ZNF202: variants seen among roughly 807,000 people sequenced by gnomAD.
ZNF202 encodes zinc finger protein with KRAB and SCAN domains 10.
ZNF202 carries 22 observed loss-of-function variants against 54.5 expected under a neutral mutation model. The observed-to-expected ratio is 0.40, with a 90% confidence interval of 0.29 to 0.58. ZNF202 has a LOEUF of 0.58. Ranked by LOEUF, ZNF202 falls within the 20% of genes least tolerant of loss-of-function variation. ZNF202 has a pLI of 0.39. For missense variants in ZNF202, 644 were observed against 805.5 expected, an observed-to-expected ratio of 0.80 and a Z score of 2.43; for synonymous variants, 294 against 301.4, an observed-to-expected ratio of 0.98 and a Z score of 0.26.
At chr11:123,741,513 C>G (rs1377747139) in intron 1 of ZNF202, 36 bp downstream of exon 1, 1 of 152,426 alleles carries the variant, frequency 6.6e-6, no homozygotes, top group East Asian at 1.9e-4. Flanking sequence ...CCCGGTCCAG[C>G]CCGGCCCGGC....
At chr11:123,729,051 C>T in intron 6 of ZNF202, 75 bp downstream of exon 6, 1 of 1,459,178 alleles carries the variant, frequency 6.9e-7, no homozygotes, top group Non-Finnish European at 9.5e-7. Flanking sequence ...CATCCTGCTT[C>T]ACCTGTTTAG....
At chr11:123,727,080 G>A (rs745311808) in intron 8 of ZNF202, 89 bp from the exon 9 acceptor site, 4 of 1,488,468 alleles carry the variant, frequency 2.7e-6, no homozygotes, top group Non-Finnish European at 3.6e-6. Context: ...AGGGTTTTGA[G>A]ATGGCAAGAC....
At chr11:123,728,830 A>AC in intron 6 of ZNF202, among the ~76,000 whole-genome samples, 1 of 152,094 alleles carries the variant, frequency 6.6e-6, no homozygotes, top group Non-Finnish European at 1.5e-5. Context: ...TAAAAAAAAA[A>AC]AAAACTAAAA....
At chr11:123,732,273 C>T (rs1228940790) in intron 3 of ZNF202, among the ~76,000 whole-genome samples, 1 of 152,190 alleles carries the variant, frequency 6.6e-6, no homozygotes, top group Non-Finnish European at 1.5e-5. Context: ...GCTCATGTCC[C>T]TTTCCTATCT....
chr11:123,737,325 C>T (rs1039824422), intron 3 of ZNF202, among the ~76,000 whole-genome samples: 2 of 152,298 alleles, frequency 1.3e-5, no homozygotes, highest in East Asian at 1.9e-4. Flanking sequence ...CCTTCTAACA[C>T]GTGACCAGTA....
chr11:123,728,319 G>C, intron 6 of ZNF202, 57 bp from the exon 7 acceptor site: 1 of 1,545,246 alleles, frequency 6.5e-7, no homozygotes, highest in Non-Finnish European at 8.8e-7. Flanking sequence ...CTCGTATTTT[G>C]TCCCTGTTGA....
chr11:123,727,105 G>C (rs1861185788), intron 8 of ZNF202, 114 bp from the exon 9 acceptor site: 5 of 1,303,308 alleles, frequency 3.8e-6, no homozygotes, highest in Non-Finnish European at 5.3e-6. Context: ...TAGAATGCCT[G>C]TCCTGTGCCA....
In ZNF202 at chr11:123,729,143, G is replaced by A; in HGVS notation, c.685C>T (p.Leu229Phe). 1.2e-6 allele frequency: 2 copies of A among 1,613,984 alleles called. No individual in the cohort carries two copies. Among genetic ancestry groups the A allele is most frequent in the Non-Finnish European group, 1.7e-6 (2 of 1,180,008 alleles). The change falls in exon 6 of 9, where the codon CTT becomes TTT. Residue 229 changes from leucine to phenylalanine, a missense_variant. By Grantham distance (22) the Leu-to-Phe change is conservative (BLOSUM62 0). Around this residue, in one of 3 missense-constraint regions of ZNF202, gnomAD observed 536 missense variants for 635.3 expected, o/e 0.84. Transcript: ENST00000530393. Reference protein sequence around the residue: ...SSGDSEMVALLTALSQGLVTF... With the variant: ...SSGDSEMVALFTALSQGLVTF... ...GGGCACACCTGTGACAGAGCAGTAA[G>A]AAGAGCAACCATCTCTGAGTCTCCA... is the stretch of plus-strand genomic sequence containing the variant.
At position 123,726,897 on chromosome 11, in the gene ZNF202, G is replaced by A. The variant is rs1591373715; in HGVS notation, c.1047C>T (p.His349=). 1 of 1,614,144 alleles carries A rather than the reference G, an allele frequency of 6.2e-7. No individual in the cohort carries two copies. Residue 349 remains histidine (H), a synonymous_variant, in exon 9 of 9, where the codon CAC becomes CAT. Transcript: ENST00000530393. This position sits in a 1 kb window ranked among gnomAD's most constrained non-coding sequence, Gnocchi z 6.0. ...AGACTATTTCCCAATCTGGAGTCTG[G>A]TGAATTTCTGGTTCTCCCAAAACAG... The part of the protein sequence containing the change: ...HRPVLGEPEI[H]QTPDWEIVFE...
chr11:123,734,852 G>C (rs1173438844), intron 3 of ZNF202, among the ~76,000 whole-genome samples: 1 of 152,114 alleles, frequency 6.6e-6, no homozygotes, highest in Non-Finnish European at 1.5e-5. Context: ...ACTGTGTGCT[G>C]GATAAAGGCA....
intron 5 of ZNF202, 107 bp downstream of exon 5, chr11:123,729,508 T>C (rs1861305408): frequency 1.5e-6 from 2 of 1,302,710 alleles, no homozygotes; most frequent in Admixed American, 2.8e-5. Flanking sequence ...TGTCTTTCCA[T>C]ACAGTCTATC....
At chr11:123,729,878 T>A (rs1253682953) in intron 4 of ZNF202, 53 bp from the exon 5 acceptor site, 1 of 1,528,430 alleles carries the variant, frequency 6.5e-7, no homozygotes, top group Non-Finnish European at 8.8e-7. Flanking sequence ...AAGTTCTTGG[T>A]TGTCACGGGA....
chr11:123,730,675 G>A lies in ZNF202; in HGVS notation c.214C>T (p.His72Tyr). ...CGCCTCTCTGGTCTCAGCCACTGGT[G>A]ACAAAGTTCTCGGAGTCTGATGAGA... ...EALIRLRELC[H>Y]QWLRPERRTK... Residue 72 changes from histidine to tyrosine, a missense_variant, in exon 4 of 9, where the codon CAC becomes TAC. This residue lies in a region of ZNF202 where 62 missense variants were observed against 122.8 expected (regional missense o/e 0.50). Coordinates refer to ENST00000530393, the MANE Select transcript of ZNF202 (RefSeq NM_003455.4). The surrounding 1 kb of genome is among the most constrained non-coding windows in gnomAD (Gnocchi z 6.0). 1 of 1,614,144 alleles carries A rather than the reference G, an allele frequency of 6.2e-7. No homozygotes were observed. The highest frequency in any genetic ancestry group is 2.2e-5 in the East Asian group (1 of 44,884).
chr11:123,730,999 T>C lies in ZNF202; in HGVS notation c.-97-14A>G. 7.7e-7 allele frequency: 1 copy of C among 1,304,740 alleles called. No individual in the cohort carries two copies. 80.8% of individuals were successfully genotyped at this position (1,304,740 alleles called of 1,614,324 possible). ...CTTCCAAGGGCCCTGGATAGAGAAG[T>C]AAAGACAAACAAGAGTATAAGCATG... On this transcript the variant is annotated splice_polypyrimidine_tract_variant and intron_variant, in intron 3 of 8. Transcript: ENST00000530393. This position sits in a 1 kb window ranked among gnomAD's most constrained non-coding sequence, Gnocchi z 6.0.
chr11:123,739,850 C>T (rs1861789742), intron 3 of ZNF202, among the ~76,000 whole-genome samples: 1 of 152,202 alleles, frequency 6.6e-6, no homozygotes, highest in Non-Finnish European at 1.5e-5. Flanking sequence ...TACAAATTCT[C>T]AAGCCCCAGC....
At chr11:123,728,044 T>C (rs1861230721) in intron 7 of ZNF202, 89 bp downstream of exon 7, 1 of 1,473,270 alleles carries the variant, frequency 6.8e-7, no homozygotes, top group African/African-American at 1.4e-5. Context: ...GTTCACTGCA[T>C]ACAATCTAAG....
In ZNF202 at chr11:123,724,919, C is replaced by A. The variant is rs941493999; in HGVS notation, c.*1078G>T. Reference sequence around the variant, plus strand: ...ATGGTCTTGCCAGCAACAGCTTTTTCTTATTTTCCATAATTTGGTCTTAGT... The same window carrying A: ...ATGGTCTTGCCAGCAACAGCTTTTTATTATTTTCCATAATTTGGTCTTAGT... On this transcript the variant is annotated 3_prime_UTR_variant, in exon 9 of 9. Transcript: ENST00000530393. 6.6e-6 allele frequency: 1 copy of A among 152,194 alleles called. No individual in the cohort carries two copies. Among genetic ancestry groups the A allele is most frequent in the Non-Finnish European group, 1.5e-5 (1 of 68,042 alleles). 9.4% of individuals were successfully genotyped at this position (152,194 alleles called of 1,614,324 possible).
At chr11:123,734,791 A>G (rs565314149) in intron 3 of ZNF202, among the ~76,000 whole-genome samples, 1 of 152,272 alleles carries the variant, frequency 6.6e-6, no homozygotes, top group South Asian at 2.1e-4. Flanking sequence ...CTGTTTCCAG[A>G]AGGATAGATA....
Position 123,730,213 on chromosome 11 carries a change from C to T in ZNF202, c.402+274G>A, listed in dbSNP as rs1448414880. ...GTCACAAAATTCTCCTCTCCAGGAA[C>T]CCACGGCTCAACATTCAAAGAAGGG... On this transcript the variant is annotated intron_variant, in intron 4 of 8. Coordinates refer to ENST00000530393, the MANE Select transcript of ZNF202 (RefSeq NM_003455.4). This position sits in a 1 kb window ranked among gnomAD's most constrained non-coding sequence, Gnocchi z 6.0. Among the ~76,000 whole-genome samples, 1 of 152,124 alleles carries T rather than the reference C, an allele frequency of 6.6e-6. No homozygotes were observed. The highest frequency in any genetic ancestry group is 2.4e-5 in the African/African-American group (1 of 41,420).
Sources: gnomAD v4.1 joint callset for allele counts (sites outside exome capture counted in the v4.1 genomes callset) on GRCh38, gnomAD v4.1.1 for gene constraint, gnomAD v4.1.1 regional missense constraint, Gnocchi (gnomAD v3.1) non-coding constraint, MANE v1.5 for transcripts, NCBI Gene and HGNC (gene_info 2026-07-23, HGNC 2026-07-21) for gene names.